Variants in TP63 observed in about 807,000 individuals in gnomAD.
TP63 encodes the protein tumor protein p63.
In TP63, 17 loss-of-function variants were observed where a neutral mutation model predicts 82.8. That is an observed-to-expected ratio of 0.21 (90% CI 0.14 to 0.31). The LOEUF (loss-of-function observed/expected upper bound fraction) is 0.31. TP63 is among the 10% of genes least tolerant of loss of function. The probability of loss-of-function intolerance (pLI) is 1.00; values close to 1 mark genes in which losing one functional copy is unlikely to be tolerated. For missense variants in TP63, 648 were observed against 895.3 expected (o/e 0.72, Z 3.52); for synonymous variants, 330 against 321.7 (o/e 1.03, Z -0.28).
chr3:189,636,274 A>T (rs1729775312), intron 1 of TP63, among the ~76,000 whole-genome samples: 1 of 152,182 alleles, frequency 6.6e-6, no homozygotes, highest in Admixed American at 6.6e-5. Flanking sequence ...GAGTGCACAA[A>T]GGATTTGCAA....
chr3:189,823,744 A>T (rs190087681), intron 4 of TP63, among the ~76,000 whole-genome samples: 33 of 152,028 alleles, frequency 2.2e-4, no homozygotes, highest in Admixed American at 1.7e-3. Flanking sequence ...AATGAGGATG[A>T]TGCTACCTAT....
At chr3:189,829,885 A>G (rs928434944) in intron 4 of TP63, 1 of 389,140 alleles carries the variant, frequency 2.6e-6, no homozygotes, top group Non-Finnish European at 5.2e-6. Flanking sequence ...TTTTTCAACC[A>G]AGATAAACAA....
chr3:189,866,939 T>C, intron 6 of TP63, 142 bp downstream of exon 6: 2 of 754,360 alleles, frequency 2.7e-6, no homozygotes, highest in South Asian at 3.2e-5. Context: ...TATTTTTGTA[T>C]TTTTTTCTAC....
chr3:189,684,684 G>A (rs1453648145), intron 1 of TP63, among the ~76,000 whole-genome samples: 6 of 150,698 alleles, frequency 4.0e-5, no homozygotes, highest in East Asian at 3.9e-4. Context: ...AGCCTGGAGG[G>A]CAGTGGTGCA....
intron 1 of TP63, among the ~76,000 whole-genome samples, chr3:189,691,663 G>C (rs1309523838): frequency 6.6e-6 from 1 of 152,130 alleles, no homozygotes; most frequent in African/African-American, 2.4e-5. Context: ...TTAAGCTTCA[G>C]GGTTCCTATC....
At chr3:189,830,076 G>A in intron 4 of TP63, 1 of 213,628 alleles carries the variant, frequency 4.7e-6, no homozygotes, top group Non-Finnish European at 1.1e-5. Flanking sequence ...CGGTCATTTA[G>A]TAGGGTTGGA....
intron 3 of TP63, among the ~76,000 whole-genome samples, chr3:189,774,012 T>A (rs1334186072): frequency 7.3e-6 from 1 of 137,020 alleles, no homozygotes; most frequent in Non-Finnish European, 1.5e-5. Flanking sequence ...AAGCTCCGCC[T>A]CCTGGGTTCA....
At position 189,831,144 on chromosome 3, in the gene TP63, A is replaced by G. The variant is rs550893331; in HGVS notation, c.579+22618A>G. Among the ~76,000 whole-genome samples, 15 of 152,288 alleles carry G rather than the reference A, an allele frequency of 9.8e-5. No individual in the cohort carries two copies. The Middle Eastern group carries it at 0.01, about 104-fold the overall frequency. On this transcript the variant is annotated intron_variant, in intron 4 of 13. Coordinates refer to ENST00000264731, the MANE Select transcript of TP63 (RefSeq NM_003722.5). ...AAAACCCATAGGGGTTCAGAGTCTC[A>G]TGAGGTGAGAACAGACTTGCACTAT...
chr3:189,621,455 C>T, the TP63 span, among the ~76,000 whole-genome samples: 2 of 151,868 alleles, frequency 1.3e-5, no homozygotes, highest in Non-Finnish European at 2.9e-5. Flanking sequence ...TATATATACA[C>T]ACATACACAC....
chr3:189,712,631 C>T (rs1718677084), intron 1 of TP63, among the ~76,000 whole-genome samples: 1 of 152,060 alleles, frequency 6.6e-6, no homozygotes, highest in African/African-American at 2.4e-5. Context: ...CTCAAAACCC[C>T]ACCTCTTACT....
intron 5 of TP63, among the ~76,000 whole-genome samples, chr3:189,865,150 G>A (rs1050052417): frequency 6.6e-6 from 1 of 152,120 alleles, no homozygotes; most frequent in African/African-American, 2.4e-5. Flanking sequence ...AGACCTGGAA[G>A]GGTAAGAGAA....
intron 1 of TP63, among the ~76,000 whole-genome samples, chr3:189,642,090 A>G (rs73889794): frequency 1.3e-5 from 2 of 152,214 alleles, no homozygotes; most frequent in Non-Finnish European, 2.9e-5. Context: ...TCTGGAAAAC[A>G]TTACTATTTA....
chr3:189,802,612 G>C (rs906451769), intron 3 of TP63, among the ~76,000 whole-genome samples: 3 of 152,172 alleles, frequency 2.0e-5, no homozygotes, highest in African/African-American at 7.2e-5. Flanking sequence ...ACCTTGCCCA[G>C]AGGTACACAG....
chr3:189,597,017 G>T, the TP63 span, among the ~76,000 whole-genome samples: 2 of 152,016 alleles, frequency 1.3e-5, no homozygotes, highest in African/African-American at 2.4e-5. Flanking sequence ...CGAACCCACC[G>T]TAAGGAAGAA....
At chr3:189,769,462 T>C (rs923390039) in intron 3 of TP63, among the ~76,000 whole-genome samples, 1 of 152,214 alleles carries the variant, frequency 6.6e-6, no homozygotes, top group African/African-American at 2.4e-5. Context: ...AGCTCTACCA[T>C]GAGTTTGGAT....
At chr3:189,876,827 T>C (rs1372196618) in intron 10 of TP63, among the ~76,000 whole-genome samples, 1 of 152,194 alleles carries the variant, frequency 6.6e-6, no homozygotes. Flanking sequence ...TTCCTGGCAA[T>C]CATTTGAAAA....
At chr3:189,711,193 T>G (rs1298498688) in intron 1 of TP63, among the ~76,000 whole-genome samples, 2 of 152,158 alleles carry the variant, frequency 1.3e-5, no homozygotes, top group Non-Finnish European at 2.9e-5. Context: ...ATTTACAGCA[T>G]AGATTTTCCC....
intron 1 of TP63, among the ~76,000 whole-genome samples, chr3:189,707,633 G>A (rs1718301743): frequency 6.6e-6 from 1 of 151,974 alleles, no homozygotes; most frequent in African/African-American, 2.4e-5. Flanking sequence ...GCAGAATGCT[G>A]CTAATTTAAA....
At chr3:189,691,323 A>G (rs950028834) in intron 1 of TP63, among the ~76,000 whole-genome samples, 3 of 143,630 alleles carry the variant, frequency 2.1e-5, no homozygotes, top group Non-Finnish European at 4.6e-5. Flanking sequence ...TGGGTGATAG[A>G]ATGAGACTCC....
Sources: allele counts gnomAD v4.1 joint callset (sites outside exome capture counted in the v4.1 genomes callset), GRCh38; gene constraint gnomAD v4.1.1; transcripts MANE v1.5; gene names NCBI Gene and HGNC (gene_info 2026-07-23, HGNC 2026-07-21).